ESRRB: variants seen among roughly 807,000 people sequenced by gnomAD.
ESRRB encodes estrogen related receptor beta, also known as steroid hormone receptor ERR2.
In ESRRB, 16 loss-of-function variants were observed where a neutral mutation model predicts 46.0. The observed-to-expected ratio is 0.35, with a 90% CI of 0.24 to 0.53. The LOEUF is 0.53. Ranked by LOEUF, ESRRB falls within the 20% of genes least tolerant of loss-of-function variation. The probability of loss-of-function intolerance (pLI) is 0.93; values close to 1 mark genes in which losing one functional copy is unlikely to be tolerated. For synonymous variants in ESRRB, 246 were observed against 259.6 expected (o/e 0.95, Z 0.50); for missense variants, 488 against 607.4 (o/e 0.80, Z 2.07).
At chr14:76,445,482 A>AAAGAAAG (rs1555398181) in intron 2 of ESRRB, among the ~76,000 whole-genome samples, 2 of 120,072 alleles carry the variant, frequency 1.7e-5, no homozygotes, top group African/African-American at 8.7e-5. Flanking sequence ...AAAAAAAAAA[A>AAAGAAAG]AAAGAAAGAA....
chr14:76,372,914 T>C (rs1198449129), upstream of ESRRB, among the ~76,000 whole-genome samples: 1 of 152,248 alleles, frequency 6.6e-6, no homozygotes, highest in African/African-American at 2.4e-5. Flanking sequence ...ACAGATGGAA[T>C]GCTTTGCCAG....
At chr14:76,413,664 A>G (rs1213937903) in intron 1 of ESRRB, among the ~76,000 whole-genome samples, 1 of 152,030 alleles carries the variant, frequency 6.6e-6, no homozygotes, top group Non-Finnish European at 1.5e-5. Context: ...TTGATCACTT[A>G]TTTGTATCTG....
At chr14:76,450,744 G>A (rs550290033) in intron 2 of ESRRB, among the ~76,000 whole-genome samples, 80 of 152,216 alleles carry the variant, frequency 5.3e-4, no homozygotes, top group African/African-American at 1.8e-3. Flanking sequence ...CCTGGATCCC[G>A]GGAGGCACAA....
Position 76,393,968 on chromosome 14 carries a change from T to TG in ESRRB, c.50+17517_50+17518insG, listed in dbSNP as rs386381841. 4.9e-4 allele frequency among the ~76,000 whole-genome samples: 7 copies of TG among 14,174 alleles called. No homozygotes were observed. The East Asian group carries it at 0.027, about 55-fold the overall frequency. The allele number at this position is 14,174 out of a possible 152,430, so 9.3% of individuals were successfully genotyped here. On this transcript the variant is annotated intron_variant, in intron 1 of 6. Transcript: ENST00000644823. ...GGCATGCACCAACATGCCTGGCTAA[T>TG]TTTTTTTTTTTTTTTTTTTGTATTT...
chr14:76,493,918 T>C (rs560974508), intron 6 of ESRRB, among the ~76,000 whole-genome samples: 92 of 152,354 alleles, frequency 6.0e-4, no homozygotes, highest in African/African-American at 2.1e-3. Context: ...CACCAGGCAA[T>C]GGTGGACCCA....
intron 3 of ESRRB, among the ~76,000 whole-genome samples, chr14:76,474,453 T>C (rs886524983): frequency 6.6e-6 from 1 of 152,266 alleles, no homozygotes; most frequent in Non-Finnish European, 1.5e-5. Flanking sequence ...TGTATTCCTA[T>C]ATTTGTAAAT....
intron 1 of ESRRB, among the ~76,000 whole-genome samples, chr14:76,388,396 A>G (rs1275733372): frequency 6.6e-6 from 1 of 152,054 alleles, no homozygotes; most frequent in African/African-American, 2.4e-5. Flanking sequence ...CCTGTTAGCC[A>G]GGATGGTTCT....
chr14:76,405,743 A>G (rs1886159783), intron 1 of ESRRB, among the ~76,000 whole-genome samples: 1 of 151,110 alleles, frequency 6.6e-6, no homozygotes, highest in African/African-American at 2.4e-5. Flanking sequence ...ACAGAGCGAG[A>G]CTCTGTCTCA....
At chr14:76,470,368 ACAGT>A (rs1889332235) in intron 3 of ESRRB, among the ~76,000 whole-genome samples, 1 of 152,140 alleles carries the variant, frequency 6.6e-6, no homozygotes, top group Non-Finnish European at 1.5e-5. Context: ...TTCTTACATA[ACAGT>A]CAGAAGGTCA....
At chr14:76,353,559 C>T (rs1422372659) in intron 1 of ESRRB, among the ~76,000 whole-genome samples, 3 of 152,124 alleles carry the variant, frequency 2.0e-5, no homozygotes, top group Admixed American at 6.5e-5. Flanking sequence ...GTGCTTTGTG[C>T]ATATAACTCA....
chr14:76,483,016 T>C (rs1889869987), intron 5 of ESRRB, among the ~76,000 whole-genome samples: 2 of 152,212 alleles, frequency 1.3e-5, no homozygotes, highest in South Asian at 4.1e-4. Flanking sequence ...GGGCCATGTT[T>C]GGATCTACAA....
intron 1 of ESRRB, among the ~76,000 whole-genome samples, chr14:76,340,707 C>G (rs957442094): frequency 6.6e-6 from 1 of 152,278 alleles, no homozygotes; most frequent in African/African-American, 2.4e-5. Context: ...AAAGTCTGTG[C>G]CTTTCTGGTG....
At chr14:76,456,548 G>T (rs1018831797) in intron 2 of ESRRB, among the ~76,000 whole-genome samples, 4 of 152,160 alleles carry the variant, frequency 2.6e-5, no homozygotes, top group African/African-American at 9.7e-5. Flanking sequence ...AGGATCTTAG[G>T]GGTAGATATG....
At chr14:76,435,256 T>G (rs904721153) in intron 1 of ESRRB, among the ~76,000 whole-genome samples, 1 of 152,172 alleles carries the variant, frequency 6.6e-6, no homozygotes, top group Non-Finnish European at 1.5e-5. Context: ...GGGGTCTTCA[T>G]ATAGTGTGAA....
intron 3 of ESRRB, among the ~76,000 whole-genome samples, chr14:76,468,439 C>A (rs57360054): frequency 7.1e-6 from 1 of 140,238 alleles, no homozygotes; most frequent in Admixed American, 7.5e-5. Context: ...ACACACATAC[C>A]TGACAGCTCA....
chr14:76,372,052 C>A (rs866151332), upstream of ESRRB, among the ~76,000 whole-genome samples: 2 of 152,144 alleles, frequency 1.3e-5, no homozygotes, highest in Non-Finnish European at 2.9e-5. Flanking sequence ...CGACCTCTGG[C>A]AAGAGTTGCT....
chr14:76,402,118 G>A (rs1330350541), intron 1 of ESRRB, among the ~76,000 whole-genome samples: 1 of 152,172 alleles, frequency 6.6e-6, no homozygotes, highest in African/African-American at 2.4e-5. Flanking sequence ...GTTTTATTCA[G>A]GCCTCTAGCT....
At chr14:76,389,802 A>G (rs1885392472) in intron 1 of ESRRB, among the ~76,000 whole-genome samples, 1 of 152,228 alleles carries the variant, frequency 6.6e-6, no homozygotes, top group Non-Finnish European at 1.5e-5. Flanking sequence ...AATTAAATAC[A>G]TTGTATTAAA....
rs1266646867 is a variant in ESRRB, at chr14:76,500,001, A to G, written c.*1543A>G. The G allele has an allele frequency of 3.2e-6, 5 of 1,575,388 alleles. No homozygotes were observed. Among genetic ancestry groups the G allele is most frequent in the Non-Finnish European group, 4.3e-6 (5 of 1,159,508 alleles). ...GGGGATCCCCAATCCACGCCCTTCTAGTCCAACCCCCCTCAATGAGAGAGG... is the reference window on the plus strand; with the variant it reads ...GGGGATCCCCAATCCACGCCCTTCTGGTCCAACCCCCCTCAATGAGAGAGG... On this transcript the variant is annotated 3_prime_UTR_variant, in exon 7 of 7. Transcript: ENST00000644823.
Sources: gnomAD v4.1 joint callset for allele counts (sites outside exome capture counted in the v4.1 genomes callset) on GRCh38, gnomAD v4.1.1 for gene constraint, MANE v1.5 for transcripts, NCBI Gene and HGNC (gene_info 2026-07-23, HGNC 2026-07-21) for gene names.